CHIC2: variants seen among roughly 807,000 people sequenced by gnomAD.
CHIC2 encodes cysteine rich hydrophobic domain 2.
In CHIC2, 14 loss-of-function variants were observed where a neutral mutation model predicts 25.9. That is an observed-to-expected ratio of 0.54 (90% CI 0.36 to 0.85). The LOEUF is 0.85. Ranked by LOEUF, CHIC2 falls within the 40% of genes least tolerant of loss-of-function variation. The pLI is 0.01. For synonymous variants in CHIC2, 70 were observed against 72.0 expected (o/e 0.97, Z 0.14); for missense variants, 146 against 202.0 (o/e 0.72, Z 1.68).
chr4:54,046,320 C>T (rs1395356505), intron 3 of CHIC2, among the ~76,000 whole-genome samples: 1 of 151,970 alleles, frequency 6.6e-6, no homozygotes, highest in Non-Finnish European at 1.5e-5. Context: ...CATATGGAAC[C>T]AAAAAAGAGC....
chr4:54,028,168 T>C, intron 3 of CHIC2, among the ~76,000 whole-genome samples: 1 of 152,202 alleles, frequency 6.6e-6, no homozygotes, highest in East Asian at 1.9e-4. Context: ...TGGATATTGT[T>C]ACCATTTATC....
At chr4:54,033,434 TG>T (rs998948971) in intron 3 of CHIC2, among the ~76,000 whole-genome samples, 1 of 152,220 alleles carries the variant, frequency 6.6e-6, no homozygotes, top group African/African-American at 2.4e-5. Context: ...TTATATATTC[TG>T]GACAAAAGTA....
In CHIC2 at chr4:54,010,030, A is replaced by C; in HGVS notation, c.*65T>G. ...ACCAATGTTATGTCACCACCAGGAG[A>C]GCACCAAGCAAGGCACCATTGGAAA... On this transcript the variant is annotated 3_prime_UTR_variant, in exon 6 of 6. Transcript: ENST00000263921. 4 of 1,066,532 alleles carry C rather than the reference A, an allele frequency of 3.8e-6. No homozygotes were observed. The highest frequency in any genetic ancestry group is 4.1e-4 in the Middle Eastern group (2 of 4,914). 66.1% of individuals were successfully genotyped at this position (1,066,532 alleles called of 1,614,324 possible). A position where few individuals can be genotyped will look rare whatever the true frequency, so the allele number is the denominator to read the frequency against.
intron 3 of CHIC2, among the ~76,000 whole-genome samples, chr4:54,015,854 C>A (rs949958781): frequency 5.9e-5 from 9 of 152,206 alleles, no homozygotes; most frequent in Non-Finnish European, 8.8e-5. Context: ...ACCTCTCAAA[C>A]CGCCTCTCAG....
At chr4:54,063,904 G>C (rs1164037276) in intron 1 of CHIC2, among the ~76,000 whole-genome samples, 2 of 152,224 alleles carry the variant, frequency 1.3e-5, no homozygotes, top group African/African-American at 4.8e-5. Flanking sequence ...AGGGTGGCCC[G>C]CAGGGCAGAC....
chr4:54,064,173 G>C lies in CHIC2; in HGVS notation c.119+9C>G. On this transcript the variant is annotated intron_variant, in intron 1 of 5. Coordinates refer to ENST00000263921, the MANE Select transcript of CHIC2 (RefSeq NM_012110.4). This position sits in a 1 kb window ranked among gnomAD's most constrained non-coding sequence, Gnocchi z 4.2. ...GCACCTCCCGCCCTCGCCCTCCTCC[G>C]GGCCTTACACGGTGACGTGACCGGA... 2 of 1,597,702 alleles carry C rather than the reference G, an allele frequency of 1.3e-6. No homozygotes were observed. The highest frequency in any genetic ancestry group is 1.7e-6 in the Non-Finnish European group (2 of 1,172,184).
intron 3 of CHIC2, among the ~76,000 whole-genome samples, chr4:54,035,194 A>G (rs1370060244): frequency 6.6e-6 from 1 of 152,106 alleles, no homozygotes; most frequent in Non-Finnish European, 1.5e-5. Context: ...ATTTTTCTGT[A>G]GACTTTTCTT....
chr4:54,071,054 T>C, the CHIC2 span, among the ~76,000 whole-genome samples: 1 of 152,202 alleles, frequency 6.6e-6, no homozygotes, highest in African/African-American at 2.4e-5. Context: ...GCAAAAGGCC[T>C]TTAGAGAGCA....
intron 3 of CHIC2, among the ~76,000 whole-genome samples, chr4:54,037,092 C>T (rs978698409): frequency 6.6e-6 from 1 of 152,088 alleles, no homozygotes; most frequent in African/African-American, 2.4e-5. Flanking sequence ...TGGCCAAGCA[C>T]GGAGGCTCAC....
intron 5 of CHIC2, among the ~76,000 whole-genome samples, chr4:54,012,048 T>A (rs1189265279): frequency 6.6e-6 from 1 of 151,962 alleles, no homozygotes; most frequent in Non-Finnish European, 1.5e-5. Context: ...TATTCTCACT[T>A]TCAACTATCA....
the CHIC2 span, among the ~76,000 whole-genome samples, chr4:54,091,614 A>C: frequency 6.6e-6 from 1 of 152,186 alleles, no homozygotes; most frequent in East Asian, 1.9e-4. Flanking sequence ...TGGGTGCACC[A>C]AAATCTCAGA....
At chr4:54,013,804 T>A in intron 5 of CHIC2, 33 bp downstream of exon 5, 1 of 1,595,932 alleles carries the variant, frequency 6.3e-7, no homozygotes, top group Non-Finnish European at 8.6e-7. Context: ...GATCATTTAA[T>A]AGAGAAACTC....
rs543187403 is a variant in CHIC2 at position 54,041,952 on chromosome 4, T to C, written c.330+7003A>G. 9.1e-4 allele frequency among the ~76,000 whole-genome samples: 137 copies of C among 150,638 alleles called. 1 individual carries two copies. The highest frequency in any genetic ancestry group is 3.3e-3 in the African/African-American group (135 of 40,910). On this transcript the variant is annotated intron_variant, in intron 3 of 5. Coordinates refer to ENST00000263921, the MANE Select transcript of CHIC2 (RefSeq NM_012110.4). Reference sequence around the variant, plus strand: ...GCAGCAAACCACCATGGCACGTGTATACCTATGTAACAAACCTGCACATTC... The same window carrying C: ...GCAGCAAACCACCATGGCACGTGTACACCTATGTAACAAACCTGCACATTC...
At chr4:54,040,743 C>T (rs1455390817) in intron 3 of CHIC2, among the ~76,000 whole-genome samples, 2 of 142,742 alleles carry the variant, frequency 1.4e-5, no homozygotes, top group African/African-American at 5.2e-5. Flanking sequence ...CTGGGTGTGG[C>T]TGCAGGTGCC....
At chr4:54,015,776 C>A (rs1715719409) in intron 3 of CHIC2, among the ~76,000 whole-genome samples, 1 of 152,198 alleles carries the variant, frequency 6.6e-6, no homozygotes, top group Non-Finnish European at 1.5e-5. Flanking sequence ...AAGGAGCAGA[C>A]ATAAAAATTC....
chr4:54,062,547 T>C (rs901087129), intron 1 of CHIC2, among the ~76,000 whole-genome samples: 3 of 152,198 alleles, frequency 2.0e-5, no homozygotes, highest in Admixed American at 2.0e-4. Flanking sequence ...TCAAGTTTAC[T>C]GATTACCTAG....
the CHIC2 span, among the ~76,000 whole-genome samples, chr4:54,074,005 A>G: frequency 6.6e-6 from 1 of 152,070 alleles, no homozygotes; most frequent in Non-Finnish European, 1.5e-5. Context: ...AAAAAATTCA[A>G]AAATTAGCCG....
chr4:54,030,523 G>GAAA (rs375404677), intron 3 of CHIC2, among the ~76,000 whole-genome samples: 1 of 114,796 alleles, frequency 8.7e-6, no homozygotes. Context: ...TATCTCAAAA[G>GAAA]AAAAAAAAAA....
At chr4:54,065,812 AAGG>A (rs10563366), upstream of CHIC2, among the ~76,000 whole-genome samples, 1,509 of 152,320 alleles carry the variant, frequency 9.9e-3, 19 homozygotes, top group African/African-American at 0.034. Flanking sequence ...AGAAAGTGCA[AAGG>A]AGGTCAATGA....
Sources: gnomAD v4.1 joint callset for allele counts (sites outside exome capture counted in the v4.1 genomes callset) on GRCh38, gnomAD v4.1.1 for gene constraint, Gnocchi (gnomAD v3.1) non-coding constraint, MANE v1.5 for transcripts, NCBI Gene and HGNC (gene_info 2026-07-23, HGNC 2026-07-21) for gene names.